Variants in GLIS3 observed in about 807,000 individuals in gnomAD.
The protein encoded by GLIS3 is GLIS family zinc finger 3.
Under a neutral mutation model 78.6 loss-of-function variants are expected in GLIS3, and 53 were observed. The observed-to-expected ratio is 0.67, with a 90% CI of 0.54 to 0.85. The LOEUF is 0.85. Ranked by LOEUF, GLIS3 falls within the 40% of genes least tolerant of loss-of-function variation. The pLI is 0.00. For synonymous variants in GLIS3, 684 were observed against 509.9 expected, an observed-to-expected ratio of 1.34 and a Z score of -4.60; for missense variants, 1,703 against 1,231.1, an observed-to-expected ratio of 1.38 and a Z score of -5.74.
intron 9 of GLIS3, among the ~76,000 whole-genome samples, chr9:3,834,615 A>T (rs975056691): frequency 6.6e-6 from 1 of 152,216 alleles, no homozygotes; most frequent in Non-Finnish European, 1.5e-5. Flanking sequence ...AAAGAAAAAC[A>T]CATGACCCAC....
the GLIS3 span, among the ~76,000 whole-genome samples, chr9:4,394,319 T>G: frequency 6.6e-6 from 1 of 151,680 alleles, no homozygotes; most frequent in East Asian, 1.9e-4. Context: ...ATTTAAAAAT[T>G]ATTATCTCAT....
At chr9:3,996,813 C>T (rs1019590146) in intron 4 of GLIS3, among the ~76,000 whole-genome samples, 1 of 151,896 alleles carries the variant, frequency 6.6e-6, no homozygotes, top group African/African-American at 2.4e-5. Context: ...AGAAAGATGA[C>T]ATGTGTTAAT....
the GLIS3 span, among the ~76,000 whole-genome samples, chr9:4,371,567 C>A: frequency 6.6e-6 from 1 of 152,162 alleles, no homozygotes; most frequent in Admixed American, 6.5e-5. Flanking sequence ...CACCCTACCA[C>A]CCCTAACCCC....
At chr9:3,989,848 A>G (rs1186103267) in intron 4 of GLIS3, among the ~76,000 whole-genome samples, 1 of 152,214 alleles carries the variant, frequency 6.6e-6, no homozygotes, top group Non-Finnish European at 1.5e-5. Context: ...CTAGCAACAC[A>G]TTGTATAGAA....
At chr9:4,341,243 T>A (rs1462209663) in intron 2 of GLIS3, among the ~76,000 whole-genome samples, 8 of 152,212 alleles carry the variant, frequency 5.3e-5, no homozygotes. Flanking sequence ...TTCAGCCATT[T>A]CCAACCTATC....
intron 4 of GLIS3, among the ~76,000 whole-genome samples, chr9:4,076,414 T>TA (rs1828058802): frequency 6.6e-6 from 1 of 152,256 alleles, no homozygotes; most frequent in South Asian, 2.1e-4. Context: ...TGTTATCTCC[T>TA]ATGACCGATT....
At chr9:3,934,444 C>T (rs1296848838) in intron 5 of GLIS3, among the ~76,000 whole-genome samples, 2 of 142,390 alleles carry the variant, frequency 1.4e-5, no homozygotes, top group East Asian at 4.1e-4. Flanking sequence ...GAGTCGCAAT[C>T]TGTTGTCCAG....
chr9:3,962,344 G>C (rs1817624098), intron 4 of GLIS3, among the ~76,000 whole-genome samples: 1 of 152,236 alleles, frequency 6.6e-6, no homozygotes, highest in East Asian at 1.9e-4. Flanking sequence ...AGTTTTCTTG[G>C]TGGTAGTATA....
chr9:4,421,842 T>G, the GLIS3 span, among the ~76,000 whole-genome samples: 1 of 152,212 alleles, frequency 6.6e-6, no homozygotes. Flanking sequence ...CGGGAATTCT[T>G]AACCTAGGAT....
intron 2 of GLIS3, among the ~76,000 whole-genome samples, chr9:4,142,719 G>C (rs1385643086): frequency 6.6e-6 from 1 of 152,120 alleles, no homozygotes; most frequent in Non-Finnish European, 1.5e-5. Context: ...AAATTATGAA[G>C]AGATCTCCAA....
chr9:3,965,639 T>C (rs1009189530), intron 4 of GLIS3, among the ~76,000 whole-genome samples: 6 of 152,220 alleles, frequency 3.9e-5, no homozygotes, highest in Middle Eastern at 3.2e-3. Context: ...AACATGTGCA[T>C]GGGGAAGGCC....
At chr9:3,835,234 C>G (rs958603188) in intron 9 of GLIS3, among the ~76,000 whole-genome samples, 1 of 152,216 alleles carries the variant, frequency 6.6e-6, no homozygotes, top group African/African-American at 2.4e-5. Flanking sequence ...ATGGACAACA[C>G]TCAGAATCGA....
chr9:3,867,734 CGTGT>C (rs925289052), intron 8 of GLIS3, among the ~76,000 whole-genome samples: 1 of 14,920 alleles, frequency 6.7e-5, no homozygotes, highest in African/African-American at 1.1e-4. Context: ...TGTGTGCGTG[CGTGT>C]GTGTGTGTGT....
intron 1 of GLIS3, among the ~76,000 whole-genome samples, chr9:4,293,301 G>GT (rs1468799029): frequency 1.3e-5 from 2 of 152,152 alleles, no homozygotes; most frequent in African/African-American, 4.8e-5. Context: ...ATCTTATTGT[G>GT]TCCCCATCAC....
intron 2 of GLIS3, among the ~76,000 whole-genome samples, chr9:4,162,840 G>C (rs374168727): frequency 1.6e-5 from 2 of 121,776 alleles, no homozygotes; most frequent in East Asian, 2.4e-4. Context: ...CCGGGCGACA[G>C]AGTCTCGCTC....
At chr9:3,853,235 T>TA (rs1313330511) in intron 9 of GLIS3, among the ~76,000 whole-genome samples, 1 of 152,092 alleles carries the variant, frequency 6.6e-6, no homozygotes, top group Non-Finnish European at 1.5e-5. Context: ...ATGTGAGAGT[T>TA]AAAAAAATCC....
At chr9:4,297,026 C>T (rs182074576) in intron 1 of GLIS3, among the ~76,000 whole-genome samples, 3 of 151,882 alleles carry the variant, frequency 2.0e-5, no homozygotes, top group African/African-American at 7.2e-5. Flanking sequence ...TTACAGGTTG[C>T]ACCTGCTTCA....
intron 7 of GLIS3, among the ~76,000 whole-genome samples, chr9:3,890,752 A>C (rs1453693202): frequency 3.4e-5 from 5 of 148,874 alleles, no homozygotes; most frequent in African/African-American, 1.3e-4. Context: ...CAAACCAAAC[A>C]ACAACAACAA....
intron 2 of GLIS3, among the ~76,000 whole-genome samples, chr9:4,256,659 T>C (rs762157063): frequency 1.3e-5 from 2 of 152,186 alleles, no homozygotes; most frequent in Non-Finnish European, 2.9e-5. Context: ...CGTAACACAA[T>C]TCACATTAAA....
Sources: allele counts gnomAD v4.1 joint callset (sites outside exome capture counted in the v4.1 genomes callset), GRCh38; gene constraint gnomAD v4.1.1; transcripts MANE v1.5; gene names NCBI Gene and HGNC (gene_info 2026-07-23, HGNC 2026-07-21).